The following CLIC6 variants were observed in gnomAD, a reference collection of about 807,000 sequenced individuals.
CLIC6 encodes chloride intracellular channel protein 6.
CLIC6 carries 39 observed loss-of-function variants against 49.2 expected under a neutral mutation model. The observed-to-expected ratio is 0.79, with a 90% CI of 0.61 to 1.04. The LOEUF (loss-of-function observed/expected upper bound fraction) is 1.04, where lower values mean the gene tolerates loss of function less well. Ranked by LOEUF, CLIC6 falls within the 50% of genes least tolerant of loss-of-function variation. CLIC6 has a pLI of 0.00. For missense variants in CLIC6, 988 were observed against 993.1 expected (o/e 0.99, Z 0.07); for synonymous variants, 446 against 433.4 (o/e 1.03, Z -0.36).
intron 1 of CLIC6, among the ~76,000 whole-genome samples, chr21:34,681,841 C>A (rs1040978795): frequency 6.6e-6 from 1 of 152,096 alleles, no homozygotes; most frequent in African/African-American, 2.4e-5. Context: ...TTAGGCTCCA[C>A]CAATTAAAAG....
chr21:34,707,437 G>GCACACACACGCACACA (rs2056022923), intron 2 of CLIC6, 48 bp downstream of exon 2: 1 of 660,116 alleles, frequency 1.5e-6, no homozygotes. Context: ...CTAGTTCTCT[G>GCACACACACGCACACA]CACACACACA....
intron 5 of CLIC6, among the ~76,000 whole-genome samples, chr21:34,711,520 TAAACAAAC>T (rs776598191): frequency 1.4e-5 from 2 of 142,272 alleles, no homozygotes; most frequent in Admixed American, 7.3e-5. Context: ...CTCTGTCAAA[TAAACAAAC>T]AAATAAATAA....
chr21:34,707,398 A>G lies in CLIC6; in HGVS notation c.1484+9A>G. ...ACAGTGGACCTGAAAAGGTAAGACA[A>G]GGCGTCTGCCTTACTGAAATAACTG... On this transcript the variant is annotated intron_variant, in intron 2 of 5. Transcript: ENST00000349499. The G allele has an allele frequency of 6.5e-7, 1 of 1,540,302 alleles. No individual in the cohort carries two copies. Among genetic ancestry groups the G allele is most frequent in the East Asian group, 2.3e-5 (1 of 44,368 alleles).
At chr21:34,687,353 G>T (rs1475343276) in intron 1 of CLIC6, among the ~76,000 whole-genome samples, 1 of 152,134 alleles carries the variant, frequency 6.6e-6, no homozygotes, top group African/African-American at 2.4e-5. Flanking sequence ...AGGCTTTCTA[G>T]AACAAGATGT....
In CLIC6 at chr21:34,709,421, T is replaced by C. The variant is rs776650681; in HGVS notation, c.1782T>C (p.Pro594=). ...ATAATTACTTAAATAGCCCTCTGCC[T>C]GATGAAATAGATGCCTACAGCACCG... ...KLDNYLNSPL[P]DEIDAYSTED... The change falls in exon 5 of 6, where the codon CCT becomes CCC. Residue 594 remains proline, a synonymous_variant. Coordinates refer to ENST00000349499, the MANE Select transcript of CLIC6 (RefSeq NM_053277.3). 2 of 1,614,048 alleles carry C rather than the reference T, an allele frequency of 1.2e-6. No homozygotes were observed. Among genetic ancestry groups the C allele is most frequent in the Non-Finnish European group, 8.5e-7 (1 of 1,179,920 alleles).
intron 1 of CLIC6, among the ~76,000 whole-genome samples, chr21:34,705,356 G>A (rs1399972446): frequency 6.6e-6 from 1 of 152,138 alleles, no homozygotes; most frequent in East Asian, 1.9e-4. Context: ...AGGAGGAGAT[G>A]GGGGTGGCCT....
intron 1 of CLIC6, among the ~76,000 whole-genome samples, chr21:34,679,488 A>G (rs919366677): frequency 6.6e-6 from 1 of 152,178 alleles, no homozygotes; most frequent in African/African-American, 2.4e-5. Context: ...TCACATTTTA[A>G]AACACAATCA....
At chr21:34,703,867 T>C (rs1021835375) in intron 1 of CLIC6, among the ~76,000 whole-genome samples, 3 of 152,146 alleles carry the variant, frequency 2.0e-5, no homozygotes, top group African/African-American at 7.2e-5. Flanking sequence ...GTTTCTTTCT[T>C]TCGAGAATTA....
intron 1 of CLIC6, among the ~76,000 whole-genome samples, chr21:34,673,254 CAGAT>C (rs556501661): frequency 6.6e-5 from 10 of 151,808 alleles, no homozygotes; most frequent in Admixed American, 1.3e-4. Flanking sequence ...CTTAAGGAAA[CAGAT>C]AGATCTCCAA....
At position 34,716,862 on chromosome 21, in the gene CLIC6, T is replaced by TCTCTCTCTCTCTCACACA; in HGVS notation, c.*381_*382insTCTCTCTCTCTCACACAC. 3.3e-4 allele frequency: 44 copies of TCTCTCTCTCTCTCACACA among 131,720 alleles called. No individual in the cohort carries two copies. Among genetic ancestry groups the TCTCTCTCTCTCTCACACA allele is most frequent in the African/African-American group, 1.4e-3 (44 of 31,296 alleles). The allele number at this position is 131,720 out of a possible 1,614,324, so 8.2% of individuals were successfully genotyped here. A position where few individuals can be genotyped will look rare whatever the true frequency, so the allele number is the denominator to read the frequency against. ...CTCTCTCTCTCTCTCTCTCTCTCTA[T>TCTCTCTCTCTCTCACACA]CACACACACACACACACACACACAC... On this transcript the variant is annotated 3_prime_UTR_variant, in exon 6 of 6. Coordinates refer to ENST00000349499, the MANE Select transcript of CLIC6 (RefSeq NM_053277.3).
intron 1 of CLIC6, chr21:34,706,064 T>A: frequency 2.9e-6 from 2 of 688,754 alleles, no homozygotes; most frequent in Non-Finnish European, 5.3e-6. Context: ...CGCATTGCTA[T>A]AAAGAAATAC....
intron 1 of CLIC6, among the ~76,000 whole-genome samples, chr21:34,695,132 G>A (rs904400477): frequency 3.9e-5 from 6 of 152,186 alleles, no homozygotes; most frequent in Admixed American, 2.0e-4. Flanking sequence ...CACTAGCAGG[G>A]CTGCATTTCT....
chr21:34,699,152 G>T (rs531531732), intron 1 of CLIC6, among the ~76,000 whole-genome samples: 1 of 152,168 alleles, frequency 6.6e-6, no homozygotes, highest in Non-Finnish European at 1.5e-5. Context: ...TGTCTTACAC[G>T]ATTTTAAGAG....
chr21:34,672,342 C>A (rs911442708), intron 1 of CLIC6, among the ~76,000 whole-genome samples: 1 of 152,162 alleles, frequency 6.6e-6, no homozygotes, highest in African/African-American at 2.4e-5. Context: ...GTGTCCCCAC[C>A]CTTTGTTACC....
chr21:34,670,368 C>T lies in CLIC6; in HGVS notation c.980C>T (p.Ala327Val). The T allele has an allele frequency of 6.9e-7, 1 of 1,453,102 alleles. No individual in the cohort carries two copies. The highest frequency in any genetic ancestry group is 9.1e-7 in the Non-Finnish European group (1 of 1,103,016). The allele number at this position is 1,453,102 out of a possible 1,614,324, so 90.0% of individuals were successfully genotyped here. The change falls in exon 1 of 6, where the codon GCC becomes GTC. Residue 327 changes from alanine to valine, a missense_variant. By Grantham distance (64) the Ala-to-Val change is moderately conservative. This residue lies in a region of CLIC6 where 647 missense variants were observed against 596.9 expected (regional missense o/e 1.08). Transcript: ENST00000349499. ...GCGGGGCGCAGCCCCGGTGAGCTCG[C>T]CTGGGACGCAGCGGAGGAGGCGGAG... ...ESAGRSPGEL[A>V]WDAAEEAEVP...
intron 1 of CLIC6, among the ~76,000 whole-genome samples, chr21:34,675,992 G>A (rs746792221): frequency 7.1e-6 from 1 of 140,060 alleles, no homozygotes; most frequent in Admixed American, 7.4e-5. Flanking sequence ...CACAGCTCCC[G>A]TCTCTGTCTG....
chr21:34,708,941 C>T, intron 4 of CLIC6, 135 bp downstream of exon 4: 1 of 664,128 alleles, frequency 1.5e-6, no homozygotes, highest in East Asian at 2.7e-5. Flanking sequence ...GAAAAAGTGC[C>T]TCCAACTTTG....
intron 1 of CLIC6, among the ~76,000 whole-genome samples, chr21:34,697,449 G>C (rs529248140): frequency 6.6e-6 from 1 of 151,750 alleles, no homozygotes; most frequent in Non-Finnish European, 1.5e-5. Context: ...CTCAGCAGCT[G>C]TTATTTCCCT....
intron 1 of CLIC6, among the ~76,000 whole-genome samples, chr21:34,702,038 G>C (rs919308039): frequency 6.6e-6 from 1 of 152,200 alleles, no homozygotes; most frequent in Non-Finnish European, 1.5e-5. Flanking sequence ...GCCCAGGAAA[G>C]AATGAGCAGG....
Sources: gnomAD v4.1 joint callset for allele counts (sites outside exome capture counted in the v4.1 genomes callset) on GRCh38, gnomAD v4.1.1 for gene constraint, gnomAD v4.1.1 regional missense constraint, MANE v1.5 for transcripts, NCBI Gene and HGNC (gene_info 2026-07-23, HGNC 2026-07-21) for gene names.